MSRA: variants seen among roughly 807,000 people sequenced by gnomAD.
MSRA encodes the protein methionine sulfoxide reductase A.
In MSRA, 54 loss-of-function variants were observed where a neutral mutation model predicts 31.3. The ratio of observed to expected loss-of-function variants is 1.73; its 90% CI spans 1.39 to 2.17. The LOEUF is 2.17. Ranked by LOEUF, MSRA falls within the 30% of genes most tolerant of loss-of-function variation. MSRA has a pLI of 0.00. For missense variants in MSRA, 507 were observed against 300.9 expected, an observed-to-expected ratio of 1.69 and a Z score of -5.07; for synonymous variants, 169 against 116.5, an observed-to-expected ratio of 1.45 and a Z score of -2.90.
At chr8:10,395,917 A>C (rs992502635) in intron 5 of MSRA, among the ~76,000 whole-genome samples, 2 of 152,152 alleles carry the variant, frequency 1.3e-5, no homozygotes, top group African/African-American at 4.8e-5. Context: ...GCAATTCACA[A>C]AGGTTCCAGT....
chr8:10,170,181 G>A (rs187675707), intron 1 of MSRA, among the ~76,000 whole-genome samples: 122 of 151,236 alleles, frequency 8.1e-4, no homozygotes, highest in Non-Finnish European at 1.2e-3. Context: ...CCACTGTGCC[G>A]GGCCTTCCTT....
At chr8:10,148,940 G>A (rs912034977) in intron 1 of MSRA, among the ~76,000 whole-genome samples, 1 of 145,204 alleles carries the variant, frequency 6.9e-6, no homozygotes, top group African/African-American at 2.6e-5. Flanking sequence ...TCTGGCGATT[G>A]TGTGTGTCGC....
intron 1 of MSRA, among the ~76,000 whole-genome samples, chr8:10,137,652 A>T (rs930209555): frequency 1.3e-5 from 2 of 152,010 alleles, no homozygotes; most frequent in African/African-American, 4.8e-5. Context: ...AAAGTGGGAG[A>T]CCCCACTTCC....
chr8:10,104,929 T>C (rs1166984183), intron 1 of MSRA, among the ~76,000 whole-genome samples: 1 of 152,212 alleles, frequency 6.6e-6, no homozygotes, highest in Non-Finnish European at 1.5e-5. Context: ...CTTGTCTCAC[T>C]GTATCTTCAC....
At chr8:10,236,891 A>G (rs1221383399) in intron 2 of MSRA, among the ~76,000 whole-genome samples, 1 of 152,190 alleles carries the variant, frequency 6.6e-6, no homozygotes, top group African/African-American at 2.4e-5. Context: ...ATAACATGGT[A>G]TTGAAGGACA....
intron 5 of MSRA, among the ~76,000 whole-genome samples, chr8:10,407,471 T>C (rs187192570): frequency 3.3e-5 from 5 of 152,322 alleles, no homozygotes; most frequent in Admixed American, 6.5e-5. Flanking sequence ...AGCTTTGCTT[T>C]ACAATTAGGA....
At chr8:10,416,356 C>T (rs1247154863) in intron 5 of MSRA, among the ~76,000 whole-genome samples, 2 of 152,230 alleles carry the variant, frequency 1.3e-5, no homozygotes, top group Non-Finnish European at 2.9e-5. Context: ...GACTTCCCAA[C>T]CCTTCGGTAT....
intron 2 of MSRA, among the ~76,000 whole-genome samples, chr8:10,237,108 T>G (rs1048344690): frequency 2.0e-5 from 3 of 152,376 alleles, no homozygotes; most frequent in South Asian, 4.1e-4. Context: ...TATTCTGAAC[T>G]AGTTAATGCA....
intron 5 of MSRA, among the ~76,000 whole-genome samples, chr8:10,335,345 T>C (rs1312584285): frequency 2.8e-5 from 4 of 141,726 alleles, no homozygotes; most frequent in Non-Finnish European, 4.5e-5. Context: ...GGCCTGAGCC[T>C]AAGTTTAGCT....
At position 10,064,791 on chromosome 8, in the gene MSRA, C is replaced by T. The variant is rs191884508; in HGVS notation, c.142+10133C>T. Among the ~76,000 whole-genome samples the T allele has an allele frequency of 3.7e-3, 559 of 152,228 alleles. 3 individuals carry two copies. Among genetic ancestry groups the T allele is most frequent in the Middle Eastern group, 0.01 (3 of 294 alleles). On this transcript the variant is annotated intron_variant, in intron 1 of 5. Coordinates refer to ENST00000317173, the MANE Select transcript of MSRA (RefSeq NM_012331.5). Reference sequence around the variant, plus strand: ...ATGTGTAAAATTAAAAAGCATGGTTCAGATGAGGCCACAAATTATTCTTTG... The same window carrying T: ...ATGTGTAAAATTAAAAAGCATGGTTTAGATGAGGCCACAAATTATTCTTTG...
intron 1 of MSRA, among the ~76,000 whole-genome samples, chr8:10,076,586 T>C (rs1798005181): frequency 6.6e-6 from 1 of 152,138 alleles, no homozygotes; most frequent in Non-Finnish European, 1.5e-5. Context: ...TTGCAGGCAG[T>C]GTTGTTCCTG....
chr8:10,339,602 T>A (rs1246583366), intron 5 of MSRA, among the ~76,000 whole-genome samples: 1 of 140,632 alleles, frequency 7.1e-6, no homozygotes, highest in Non-Finnish European at 1.5e-5. Flanking sequence ...AGTGCAGTGA[T>A]GCGATCTTGG....
intron 5 of MSRA, among the ~76,000 whole-genome samples, chr8:10,323,748 G>GTT (rs1425039245): frequency 2.7e-5 from 4 of 150,574 alleles, no homozygotes; most frequent in African/African-American, 9.8e-5. Flanking sequence ...TTAAATACGT[G>GTT]TGTGTGTGTG....
At chr8:10,112,235 A>G (rs1800343653) in intron 1 of MSRA, among the ~76,000 whole-genome samples, 1 of 152,240 alleles carries the variant, frequency 6.6e-6, no homozygotes, top group African/African-American at 2.4e-5. Flanking sequence ...GAAAGCTAGT[A>G]GTGTAATACA....
At chr8:10,343,381 G>T (rs1205370748) in intron 5 of MSRA, among the ~76,000 whole-genome samples, 1 of 152,194 alleles carries the variant, frequency 6.6e-6, no homozygotes, top group Middle Eastern at 3.2e-3. Flanking sequence ...TTTCAGGGTG[G>T]AATGCAATCT....
intron 1 of MSRA, among the ~76,000 whole-genome samples, chr8:10,153,604 G>C (rs1803901501): frequency 6.6e-6 from 1 of 152,128 alleles, no homozygotes; most frequent in African/African-American, 2.4e-5. Flanking sequence ...GTGGCAGTTA[G>C]GGATATTGAC....
chr8:10,069,934 C>A (rs1797647909), intron 1 of MSRA, among the ~76,000 whole-genome samples: 1 of 152,156 alleles, frequency 6.6e-6, no homozygotes, highest in Admixed American at 6.5e-5. Context: ...CAAAACCACA[C>A]CCTCTTTAAC....
At chr8:10,253,504 G>C (rs540939115) in intron 3 of MSRA, among the ~76,000 whole-genome samples, 1 of 152,246 alleles carries the variant, frequency 6.6e-6, no homozygotes, top group East Asian at 1.9e-4. Flanking sequence ...CATTTAAGTA[G>C]AAAACAAATG....
At chr8:10,423,477 C>T (rs1024945213) in intron 5 of MSRA, among the ~76,000 whole-genome samples, 3 of 139,676 alleles carry the variant, frequency 2.1e-5, no homozygotes, top group African/African-American at 5.1e-5. Flanking sequence ...AGCTTGGCCC[C>T]GGTGCCAGGT....
Sources: allele counts gnomAD v4.1 joint callset (sites outside exome capture counted in the v4.1 genomes callset), GRCh38; gene constraint gnomAD v4.1.1; transcripts MANE v1.5; gene names NCBI Gene and HGNC (gene_info 2026-07-23, HGNC 2026-07-21).